The following EVC variants were observed in gnomAD, a reference collection of about 807,000 sequenced individuals.
EVC encodes EvC ciliary complex subunit 1.
A neutral mutation model predicts 118.9 loss-of-function variants in EVC; 116 were observed. That is an observed-to-expected ratio of 0.98 (90% confidence interval 0.84 to 1.14). The LOEUF is 1.14. EVC is among the 50% of genes most tolerant of loss of function. EVC has a pLI of 0.00. For missense variants in EVC, 1,401 were observed against 1,246.4 expected, an observed-to-expected ratio of 1.12 and a Z score of -1.87; for synonymous variants, 619 against 534.7, an observed-to-expected ratio of 1.16 and a Z score of -2.18.
intron 12 of EVC, among the ~76,000 whole-genome samples, chr4:5,784,971 A>G (rs570811112): frequency 2.1e-4 from 32 of 152,282 alleles, no homozygotes; most frequent in East Asian, 3.9e-4. Context: ...TCCAAATTCA[A>G]CATCCACCAA....
rs751989549 is a variant in EVC at position 5,731,460 on chromosome 4, T to G, written c.420T>G (p.His140Gln). The G allele has an allele frequency of 6.2e-7, 1 of 1,613,366 alleles. No individual in the cohort carries two copies. The highest frequency in any genetic ancestry group is 2.2e-5 in the East Asian group (1 of 44,854). Residue 140 changes from histidine (H) to glutamine (Q), a missense_variant, in exon 4 of 21, where the codon CAT becomes CAG. His to Gln is a conservative substitution (Grantham distance 24). Coordinates refer to ENST00000264956, the MANE Select transcript of EVC (RefSeq NM_153717.3). This position sits in a 1 kb window ranked among gnomAD's most constrained non-coding sequence, Gnocchi z 5.6. ...LADGSSNPSL[H>Q]ENLKQAVLPH... is the part of the protein sequence containing the mutation. ...ATGGCTCCTCCAACCCGTCTCTGCA[T>G]GAAAACTTAAAGCAGGCTGTTTTGC...
downstream of EVC, among the ~76,000 whole-genome samples, chr4:5,819,061 G>A (rs1351784395): frequency 6.6e-6 from 1 of 152,160 alleles, no homozygotes; most frequent in Non-Finnish European, 1.5e-5. Context: ...AATAGTCTTT[G>A]CAATAAATGG....
At chr4:5,715,739 T>TA (rs1723834208) in intron 1 of EVC, among the ~76,000 whole-genome samples, 1 of 108,294 alleles carries the variant, frequency 9.2e-6, no homozygotes, top group Non-Finnish European at 1.7e-5. Context: ...TTTTCCATTG[T>TA]CTTTTTTTTT....
chr4:5,726,285 G>C (rs1050082945), intron 2 of EVC, among the ~76,000 whole-genome samples: 2 of 152,210 alleles, frequency 1.3e-5, no homozygotes, highest in African/African-American at 4.8e-5. Context: ...ATTTCTCATG[G>C]TCTGCAGCGC....
chr4:5,739,621 C>G (rs916369170), intron 5 of EVC, among the ~76,000 whole-genome samples: 1 of 152,188 alleles, frequency 6.6e-6, no homozygotes, highest in Non-Finnish European at 1.5e-5. Flanking sequence ...CTGGCCATGT[C>G]CTTCTTTTCC....
At chr4:5,716,651 A>C (rs545956724) in intron 1 of EVC, among the ~76,000 whole-genome samples, 1 of 152,092 alleles carries the variant, frequency 6.6e-6, no homozygotes, top group African/African-American at 2.4e-5. Flanking sequence ...CTGCAGGGAA[A>C]CCAAACATCT....
intron 7 of EVC, 55 bp downstream of exon 7, chr4:5,745,396 A>G (rs1729219501): frequency 6.3e-7 from 1 of 1,580,586 alleles, no homozygotes; most frequent in Non-Finnish European, 8.7e-7. Context: ...AAACAGTTAA[A>G]TTGGCTACAT....
rs564832841 is a variant in EVC, at chr4:5,804,622, TG to T, written c.2450-106del. On this transcript the variant is annotated intron_variant, in intron 16 of 20. Coordinates refer to ENST00000264956, the MANE Select transcript of EVC (RefSeq NM_153717.3). ...CTGTGCTGGTGGAAGGATACACTCT[TG>T]GAGAGCTGGTGTGTCTCACTCACCC... The T allele has an allele frequency of 2.0e-4, 176 of 860,976 alleles. 1 individual carries two copies. In the South Asian group the frequency reaches 2.4e-3, roughly 12 times the overall value. The allele number at this position is 860,976 out of a possible 1,614,324, so 53.3% of individuals were successfully genotyped here. A position where few individuals can be genotyped will look rare whatever the true frequency, so the allele number is the denominator to read the frequency against.
intron 8 of EVC, among the ~76,000 whole-genome samples, chr4:5,748,729 C>G (rs1729855194): frequency 8.9e-6 from 1 of 112,520 alleles, no homozygotes; most frequent in African/African-American, 3.0e-5. Flanking sequence ...CCCACCCATC[C>G]ACCCATCAAT....
chr4:5,771,212 A>C (rs1341942565), intron 11 of EVC, among the ~76,000 whole-genome samples: 1 of 152,142 alleles, frequency 6.6e-6, no homozygotes, highest in Non-Finnish European at 1.5e-5. Flanking sequence ...TGAAGGTGTC[A>C]GCAGGGCTGA....
At position 5,733,457 on chromosome 4, in the gene EVC, C is replaced by T. The variant is rs369085014; in HGVS notation, c.702+22C>T. 2.5e-6 allele frequency: 4 copies of T among 1,597,620 alleles called. No individual in the cohort carries two copies. In the African/African-American group the frequency reaches 5.4e-5, roughly 21 times the overall value. On this transcript the variant is annotated intron_variant, in intron 5 of 20. Transcript: ENST00000264956. ...TATGGTAGGTGGAGATGTTCGCATT[C>T]CCTCCTTTTCATGGGGACAGGAGCT...
At position 5,812,166 on chromosome 4, in the gene EVC, G is replaced by C. The variant is rs1560453981; in HGVS notation, c.*1129G>C. ...GCCCCTCATACCACAGCCAAGAGGG[G>C]CCTTTCTCACCTGGAGAGAAACTTC... On this transcript the variant is annotated 3_prime_UTR_variant, in exon 21 of 21. Transcript: ENST00000264956. The C allele has an allele frequency of 7.2e-6, 1 of 138,004 alleles. No individual in the cohort carries two copies. 8.5% of individuals were successfully genotyped at this position (138,004 alleles called of 1,614,324 possible). A position where few individuals can be genotyped will look rare whatever the true frequency, so the allele number is the denominator to read the frequency against.
At chr4:5,732,883 G>A (rs529030596) in intron 4 of EVC, among the ~76,000 whole-genome samples, 5 of 152,246 alleles carry the variant, frequency 3.3e-5, no homozygotes, top group Admixed American at 1.3e-4. Flanking sequence ...GGTGGTGCAT[G>A]CCTGTAGTCC....
chr4:5,745,428 T>C, intron 7 of EVC, 87 bp downstream of exon 7: 2 of 1,420,426 alleles, frequency 1.4e-6, no homozygotes, highest in South Asian at 2.3e-5. Flanking sequence ...TAGTTAGAAG[T>C]GTGCCTAATA....
At chr4:5,801,671 CAAAAAAAAAAA>C in intron 15 of EVC, 1 of 244,600 alleles carries the variant, frequency 4.1e-6, no homozygotes, top group Non-Finnish European at 7.6e-6. Flanking sequence ...GTCTCCATCT[CAAAAAAAAAAA>C]AAAAAAAAAA....
At chr4:5,765,986 T>A (rs1000038270) in intron 11 of EVC, among the ~76,000 whole-genome samples, 1 of 131,746 alleles carries the variant, frequency 7.6e-6, no homozygotes, top group Non-Finnish European at 1.6e-5. Context: ...TTGATGCAGT[T>A]TATTCCTAGT....
the EVC span, chr4:5,821,620 G>A: frequency 2.5e-6 from 2 of 808,234 alleles, no homozygotes; most frequent in Non-Finnish European, 3.9e-6. The surrounding 1 kb of genome is among the most constrained non-coding windows in gnomAD (Gnocchi z 4.4). Context: ...TTCCTAAACA[G>A]AAAAGGGAAA....
In EVC at chr4:5,746,121, G is replaced by T. The variant is rs912045135; in HGVS notation, c.939+780G>T. Among the ~76,000 whole-genome samples the T allele has an allele frequency of 6.8e-6, 1 of 147,386 alleles. No individual in the cohort carries two copies. The highest frequency in any genetic ancestry group is 2.5e-5 in the African/African-American group (1 of 39,838). Reference sequence around the variant, plus strand: ...TGAGAGCAAGTCGAGGTAAGGTAAAGCCAGAGGGATCTGGCCAGAGGGCTT... The same window carrying T: ...TGAGAGCAAGTCGAGGTAAGGTAAATCCAGAGGGATCTGGCCAGAGGGCTT... On this transcript the variant is annotated intron_variant, in intron 7 of 20. Transcript: ENST00000264956. This position sits in a 1 kb window ranked among gnomAD's most constrained non-coding sequence, Gnocchi z 5.8.
rs1357882883 is a variant in EVC, at chr4:5,743,418, T to C, written c.801+1604T>C. 1.3e-5 allele frequency among the ~76,000 whole-genome samples: 2 copies of C among 152,204 alleles called. No individual in the cohort carries two copies. The highest frequency in any genetic ancestry group is 4.8e-5 in the African/African-American group (2 of 41,454). On this transcript the variant is annotated intron_variant, in intron 6 of 20. Transcript: ENST00000264956. This position sits in a 1 kb window ranked among gnomAD's most constrained non-coding sequence, Gnocchi z 4.7. ...ATTTTCATTATCATCATCATTGTTA[T>C]TGTCATCATTTTCATTACTGCCATC...
Sources: gnomAD v4.1 joint callset for allele counts (sites outside exome capture counted in the v4.1 genomes callset) on GRCh38, gnomAD v4.1.1 for gene constraint, Gnocchi (gnomAD v3.1) non-coding constraint, MANE v1.5 for transcripts, NCBI Gene and HGNC (gene_info 2026-07-23, HGNC 2026-07-21) for gene names.